The following ARHGAP26 variants were observed in gnomAD, a reference collection of about 807,000 sequenced individuals.
ARHGAP26 encodes the protein Rho GTPase activating protein 26.
ARHGAP26 carries 38 observed loss-of-function variants against 104.8 expected under a neutral mutation model. The ratio of observed to expected loss-of-function variants is 0.36; its 90% CI spans 0.28 to 0.48. The LOEUF is 0.48. Ranked by LOEUF, ARHGAP26 falls within the 20% of genes least tolerant of loss-of-function variation. ARHGAP26 has a pLI of 0.99. For missense variants in ARHGAP26, 704 were observed against 947.9 expected (o/e 0.74, Z 3.38); for synonymous variants, 341 against 340.0 (o/e 1.00, Z -0.03).
intron 11 of ARHGAP26, among the ~76,000 whole-genome samples, chr5:142,998,402 T>G (rs1002261049): frequency 6.6e-6 from 1 of 152,168 alleles, no homozygotes; most frequent in African/African-American, 2.4e-5. Flanking sequence ...TCATCTGTCA[T>G]GCTCTCAAGA....
chr5:142,930,046 G>C (rs1157101607), intron 10 of ARHGAP26, among the ~76,000 whole-genome samples: 5 of 152,204 alleles, frequency 3.3e-5, no homozygotes. Context: ...GCCCAGTTCA[G>C]ATTGAGTAGA....
chr5:143,016,388 G>A (rs2152824356), intron 12 of ARHGAP26, among the ~76,000 whole-genome samples: 1 of 152,260 alleles, frequency 6.6e-6, no homozygotes, highest in South Asian at 2.1e-4. Context: ...TAGCACACAG[G>A]AGGTAAAAAG....
intron 11 of ARHGAP26, among the ~76,000 whole-genome samples, chr5:142,990,701 G>C (rs950741396): frequency 2.6e-5 from 4 of 152,202 alleles, no homozygotes; most frequent in African/African-American, 9.7e-5. Flanking sequence ...CTCAGCTGCA[G>C]GTCTGTTGGG....
At chr5:142,909,160 A>G (rs1054081303) in intron 9 of ARHGAP26, among the ~76,000 whole-genome samples, 2 of 151,994 alleles carry the variant, frequency 1.3e-5, no homozygotes, top group African/African-American at 2.4e-5. Context: ...CCCTCTGGAG[A>G]TATTTAAATG....
At position 143,116,733 on chromosome 5, in the gene ARHGAP26, T is replaced by C. The variant is rs1795501807; in HGVS notation, c.1539-4255T>C. 2.6e-5 allele frequency among the ~76,000 whole-genome samples: 4 copies of C among 152,200 alleles called. No individual in the cohort carries two copies. The South Asian group carries it at 8.3e-4, about 31-fold the overall frequency. ...AAGGACATCAGACCAAAACAGAGTCTCCATCTATTTCCTCTTAAAGCAAAG... is the reference window on the plus strand; with the variant it reads ...AAGGACATCAGACCAAAACAGAGTCCCCATCTATTTCCTCTTAAAGCAAAG... On this transcript the variant is annotated intron_variant, in intron 17 of 22. Transcript: ENST00000645722.
Position 142,945,718 on chromosome 5 carries a change from A to G in ARHGAP26, c.1107+13593A>G, listed in dbSNP as rs552525525. On this transcript the variant is annotated intron_variant, in intron 11 of 22. Coordinates refer to ENST00000645722, the MANE Select transcript of ARHGAP26 (RefSeq NM_001135608.3). ...ATAAAAATGTTACAAAAATATTACA[A>G]AGAATTCCAGAATACTTTCCACCCA... Among the ~76,000 whole-genome samples the G allele has an allele frequency of 2.1e-3, 314 of 152,312 alleles. 1 individual carries two copies. The highest frequency in any genetic ancestry group is 3.9e-3 in the Non-Finnish European group (263 of 68,024).
In ARHGAP26 at chr5:143,195,173, C is replaced by T. The variant is rs1464564484; in HGVS notation, c.1989-12025C>T. Among the ~76,000 whole-genome samples, 5 of 152,214 alleles carry T rather than the reference C, an allele frequency of 3.3e-5. No homozygotes were observed. In the South Asian group the frequency reaches 6.2e-4, roughly 19 times the overall value. ...TGTCTCATCTGCCTTTCATGGTATC[C>T]GGACCAAGGTTCGTGCATTTGCAAG... On this transcript the variant is annotated intron_variant, in intron 20 of 22. Transcript: ENST00000645722.
At chr5:142,828,945 G>A (rs572542549) in intron 1 of ARHGAP26, among the ~76,000 whole-genome samples, 64 of 152,266 alleles carry the variant, frequency 4.2e-4, no homozygotes, top group African/African-American at 1.5e-3. Context: ...GAAGGCCTGC[G>A]TATCTGTTTC....
intron 1 of ARHGAP26, among the ~76,000 whole-genome samples, chr5:142,835,646 C>T: frequency 6.6e-6 from 1 of 152,182 alleles, no homozygotes; most frequent in East Asian, 1.9e-4. Context: ...GGAGTGGATC[C>T]TTTTTATTGA....
At chr5:143,135,125 G>C (rs1797768426) in intron 19 of ARHGAP26, among the ~76,000 whole-genome samples, 1 of 152,226 alleles carries the variant, frequency 6.6e-6, no homozygotes, top group South Asian at 2.1e-4. Context: ...TATACACATT[G>C]AGAGAGGTAG....
At chr5:142,995,716 T>C (rs987286498) in intron 11 of ARHGAP26, among the ~76,000 whole-genome samples, 5 of 152,220 alleles carry the variant, frequency 3.3e-5, no homozygotes, top group African/African-American at 1.2e-4. Context: ...TGCACACATA[T>C]GTTTATTGAG....
In ARHGAP26 at chr5:143,041,897, G is replaced by A; in HGVS notation, c.1285+7G>A. The A allele has an allele frequency of 6.3e-7, 1 of 1,579,328 alleles. No individual in the cohort carries two copies. The highest frequency in any genetic ancestry group is 8.6e-7 in the Non-Finnish European group (1 of 1,161,832). On this transcript the variant is annotated splice_region_variant and intron_variant, in intron 14 of 22. Transcript: ENST00000645722. Reference sequence around the variant, plus strand: ...TTGCTGAGTGTCCTGATGGGTGAGTGCCGCAGTGGCTCTGCTAGGCAGGTC... The same window carrying A: ...TTGCTGAGTGTCCTGATGGGTGAGTACCGCAGTGGCTCTGCTAGGCAGGTC...
At chr5:142,953,445 A>T (rs1562145372) in intron 11 of ARHGAP26, among the ~76,000 whole-genome samples, 2 of 152,300 alleles carry the variant, frequency 1.3e-5, no homozygotes, top group Admixed American at 6.5e-5. Context: ...CTTTCATGCA[A>T]AAAGTCTTTG....
chr5:142,801,567 G>A (rs948128758), intron 1 of ARHGAP26, among the ~76,000 whole-genome samples: 1 of 151,104 alleles, frequency 6.6e-6, no homozygotes, highest in Non-Finnish European at 1.5e-5. Flanking sequence ...TGAATCCCTG[G>A]CATATTTTCA....
rs1177104578 is a variant in ARHGAP26, at chr5:143,025,516, G to A, written c.1144+11400G>A. 5.9e-5 allele frequency among the ~76,000 whole-genome samples: 9 copies of A among 152,278 alleles called. No homozygotes were observed. The South Asian group carries it at 1.2e-3, about 21-fold the overall frequency. ...GTTGAGAAATCAGTGCAAAACCACCGGGCCTTAAGGCAGAAGGGAATTGAG... is the reference window on the plus strand; with the variant it reads ...GTTGAGAAATCAGTGCAAAACCACCAGGCCTTAAGGCAGAAGGGAATTGAG... On this transcript the variant is annotated intron_variant, in intron 12 of 22. Transcript: ENST00000645722.
At chr5:142,975,288 A>G (rs1772900593) in intron 11 of ARHGAP26, among the ~76,000 whole-genome samples, 1 of 152,060 alleles carries the variant, frequency 6.6e-6, no homozygotes, top group Non-Finnish European at 1.5e-5. Flanking sequence ...AACTGCGTCT[A>G]CAGTAGTGAT....
intron 1 of ARHGAP26, among the ~76,000 whole-genome samples, chr5:142,813,010 T>G (rs1253253240): frequency 6.6e-6 from 1 of 150,622 alleles, no homozygotes; most frequent in Non-Finnish European, 1.5e-5. Flanking sequence ...CGATCTCGGC[T>G]CACTGCAAGC....
intron 20 of ARHGAP26, among the ~76,000 whole-genome samples, chr5:143,182,709 G>C (rs1011107202): frequency 2.0e-5 from 3 of 152,154 alleles, no homozygotes; most frequent in African/African-American, 7.2e-5. Context: ...GAAATTTCCT[G>C]GCTATAAAGA....
intron 1 of ARHGAP26, among the ~76,000 whole-genome samples, chr5:142,834,228 C>T (rs2152127963): frequency 6.6e-6 from 1 of 152,294 alleles, no homozygotes; most frequent in Admixed American, 6.5e-5. Flanking sequence ...TAAATTATCA[C>T]ACAGTGAATA....
Sources: gnomAD v4.1 joint callset for allele counts (sites outside exome capture counted in the v4.1 genomes callset) on GRCh38, gnomAD v4.1.1 for gene constraint, MANE v1.5 for transcripts, NCBI Gene and HGNC (gene_info 2026-07-23, HGNC 2026-07-21) for gene names.